The following PTPRD variants were observed in gnomAD, a reference collection of about 807,000 sequenced individuals.
PTPRD encodes protein tyrosine phosphatase receptor type D.
In PTPRD, 34 loss-of-function variants were observed where a neutral mutation model predicts 214.5. The observed-to-expected ratio is 0.16, with a 90% CI of 0.12 to 0.21. The LOEUF is 0.21. Ranked by LOEUF, PTPRD falls within the 10% of genes least tolerant of loss-of-function variation. The pLI, the probability that PTPRD is intolerant of heterozygous loss-of-function variation, is 1.00. For missense variants in PTPRD, 2,545 were observed against 2,398.7 expected, an observed-to-expected ratio of 1.06 and a Z score of -1.27; for synonymous variants, 1,128 against 845.7, an observed-to-expected ratio of 1.33 and a Z score of -5.79.
chr9:8,450,553 C>T (rs1475866515), intron 33 of PTPRD, among the ~76,000 whole-genome samples: 2 of 152,162 alleles, frequency 1.3e-5, no homozygotes, highest in East Asian at 3.9e-4. Context: ...GTGGGTAGAT[C>T]AGCGCTCCTG....
At chr9:9,000,599 G>A (rs912602131) in intron 11 of PTPRD, among the ~76,000 whole-genome samples, 1 of 151,842 alleles carries the variant, frequency 6.6e-6, no homozygotes, top group African/African-American at 2.4e-5. Context: ...CATTTTTAAT[G>A]ACCCCCATTG....
chr9:9,887,107 C>T (rs1566016865), intron 5 of PTPRD, among the ~76,000 whole-genome samples: 1 of 151,366 alleles, frequency 6.6e-6, no homozygotes. Context: ...ACCTTGGAAA[C>T]ACAGTGACTT....
intron 5 of PTPRD, among the ~76,000 whole-genome samples, chr9:9,848,445 T>C (rs1030643496): frequency 1.3e-5 from 2 of 152,140 alleles, no homozygotes; most frequent in East Asian, 3.9e-4. Flanking sequence ...ATAGGGATAA[T>C]GACATTTATC....
At chr9:8,726,661 T>C (rs1438368042) in intron 12 of PTPRD, among the ~76,000 whole-genome samples, 1 of 111,134 alleles carries the variant, frequency 9.0e-6, no homozygotes, top group Non-Finnish European at 1.8e-5. Flanking sequence ...GACAGCCAGG[T>C]GTGGTGGTGG....
chr9:9,784,168 T>A (rs2098895500), intron 5 of PTPRD, among the ~76,000 whole-genome samples: 1 of 152,150 alleles, frequency 6.6e-6, no homozygotes, highest in African/African-American at 2.4e-5. Flanking sequence ...TTTAAATTAT[T>A]CTTTGACATA....
At chr9:9,781,827 C>G (rs1415540869) in intron 5 of PTPRD, among the ~76,000 whole-genome samples, 1 of 148,210 alleles carries the variant, frequency 6.7e-6, no homozygotes, top group Non-Finnish European at 1.5e-5. Context: ...GAGTCTCGCT[C>G]TGTCGCCCAG....
At chr9:9,365,858 C>T (rs1242903426) in intron 9 of PTPRD, among the ~76,000 whole-genome samples, 2 of 151,444 alleles carry the variant, frequency 1.3e-5, no homozygotes, top group Non-Finnish European at 3.0e-5. Context: ...TTATATTATA[C>T]AGCATTCTTA....
chr9:9,956,605 T>A (rs559150999), intron 4 of PTPRD, among the ~76,000 whole-genome samples: 23 of 152,278 alleles, frequency 1.5e-4, no homozygotes, highest in Admixed American at 3.3e-4. Flanking sequence ...TAATCTAGTA[T>A]TAAATACTTA....
chr9:9,833,690 C>G (rs10978019), intron 5 of PTPRD, among the ~76,000 whole-genome samples: 51,661 of 127,338 alleles, frequency 0.41, 11,181 homozygotes, highest in East Asian at 0.86. Flanking sequence ...GAGAGGGGGG[C>G]AGTTCAGAGA....
chr9:9,863,232 G>A (rs1292196827), intron 5 of PTPRD, among the ~76,000 whole-genome samples: 2 of 152,180 alleles, frequency 1.3e-5, no homozygotes, highest in Admixed American at 6.5e-5. Flanking sequence ...AAGGTTCACG[G>A]ACTAAGACAA....
intron 4 of PTPRD, among the ~76,000 whole-genome samples, chr9:9,940,320 A>G (rs566300819): frequency 6.6e-6 from 1 of 152,114 alleles, no homozygotes; most frequent in Non-Finnish European, 1.5e-5. Flanking sequence ...TTTCTTGACT[A>G]GACTACCTAT....
intron 34 of PTPRD, chr9:8,438,765 G>A (rs1175350122): frequency 6.6e-6 from 1 of 152,192 alleles, no homozygotes; most frequent in East Asian, 1.9e-4. Context: ...TTTGGCTAGA[G>A]AGGGAGGACA....
chr9:10,192,064 C>T (rs996539843), intron 3 of PTPRD, among the ~76,000 whole-genome samples: 1 of 152,092 alleles, frequency 6.6e-6, no homozygotes, highest in Non-Finnish European at 1.5e-5. Context: ...AGAGTAGGAC[C>T]TTAGCCAAGG....
At chr9:8,326,373 C>T (rs7850191) in intron 44 of PTPRD, among the ~76,000 whole-genome samples, 60,273 of 141,490 alleles carry the variant, frequency 0.43, 14,087 homozygotes, top group African/African-American at 0.65. Flanking sequence ...GGATTACGTT[C>T]ATTGATTTGT....
intron 7 of PTPRD, among the ~76,000 whole-genome samples, chr9:9,581,645 T>C (rs1176262677): frequency 6.6e-6 from 1 of 152,024 alleles, no homozygotes; most frequent in Non-Finnish European, 1.5e-5. Context: ...GGAAAAAAAA[T>C]ACCCCGTGTT....
chr9:9,236,811 G>C (rs2099967067), intron 9 of PTPRD, among the ~76,000 whole-genome samples: 1 of 151,958 alleles, frequency 6.6e-6, no homozygotes, highest in Admixed American at 6.6e-5. Flanking sequence ...TGGCCAGAGA[G>C]AAATGTGTGT....
chr9:10,375,984 T>C (rs140899295), intron 2 of PTPRD, among the ~76,000 whole-genome samples: 2 of 152,076 alleles, frequency 1.3e-5, no homozygotes, highest in African/African-American at 4.8e-5. Context: ...ACATAGTATC[T>C]TTGCCTTTTG....
chr9:8,523,306 T>C (rs1217534062), intron 19 of PTPRD, among the ~76,000 whole-genome samples: 1 of 152,044 alleles, frequency 6.6e-6, no homozygotes, highest in Non-Finnish European at 1.5e-5. Flanking sequence ...CCAGTTACCA[T>C]GCACCCAGGT....
At chr9:10,589,786 G>T (rs2074963947) in intron 2 of PTPRD, among the ~76,000 whole-genome samples, 1 of 152,052 alleles carries the variant, frequency 6.6e-6, no homozygotes, top group African/African-American at 2.4e-5. Context: ...AGCATTAGAG[G>T]AGGTCAAGTG....
Sources: allele counts gnomAD v4.1 joint callset (sites outside exome capture counted in the v4.1 genomes callset), GRCh38; gene constraint gnomAD v4.1.1; transcripts MANE v1.5; gene names NCBI Gene and HGNC (gene_info 2026-07-23, HGNC 2026-07-21).